Variants in PRKN observed in about 807,000 individuals in gnomAD.
PRKN encodes parkin RBR E3 ubiquitin protein ligase.
In PRKN, 56 loss-of-function variants were observed where a neutral mutation model predicts 59.5. The ratio of observed to expected loss-of-function variants is 0.94; its 90% CI spans 0.76 to 1.18. The LOEUF is 1.18. PRKN is among the 50% of genes most tolerant of loss of function. The pLI, the probability that PRKN is intolerant of heterozygous loss-of-function variation, is 0.00. For missense variants in PRKN, 657 were observed against 596.4 expected, an observed-to-expected ratio of 1.10 and a Z score of -1.06; for synonymous variants, 250 against 222.1, an observed-to-expected ratio of 1.13 and a Z score of -1.12.
In PRKN at chr6:162,281,185, A is replaced by C. The variant is rs573935058; in HGVS notation, c.172-18420T>G. Among the ~76,000 whole-genome samples, 7 of 151,686 alleles carry C rather than the reference A, an allele frequency of 4.6e-5. No homozygotes were observed. In the East Asian group the frequency reaches 1.2e-3, roughly 26 times the overall value. On this transcript the variant is annotated intron_variant, in intron 2 of 11. Transcript: ENST00000366898. ...ACAAGGACAGAAAACCAAACCCCGC[A>C]TGTTCTCACTCATAGGTGGGAATTG...
chr6:161,474,896 C>T (rs1242750856), intron 9 of PRKN, among the ~76,000 whole-genome samples: 2 of 150,994 alleles, frequency 1.3e-5, no homozygotes, highest in Non-Finnish European at 2.9e-5. Flanking sequence ...GCCACCACGC[C>T]CGGCCCACTA....
At chr6:161,999,604 C>A (rs189030220) in intron 5 of PRKN, among the ~76,000 whole-genome samples, 1 of 151,956 alleles carries the variant, frequency 6.6e-6, no homozygotes, top group South Asian at 2.1e-4. Flanking sequence ...GCACAATGCC[C>A]GAGCCAAGAA....
At chr6:161,960,154 GA>G (rs1258037931) in intron 6 of PRKN, among the ~76,000 whole-genome samples, 2 of 151,800 alleles carry the variant, frequency 1.3e-5, no homozygotes, top group Non-Finnish European at 2.9e-5. Flanking sequence ...CACCACACTG[GA>G]AAAAAAACAT....
At chr6:161,931,771 A>C (rs1329508123) in intron 6 of PRKN, among the ~76,000 whole-genome samples, 3 of 152,232 alleles carry the variant, frequency 2.0e-5, no homozygotes, top group Admixed American at 6.5e-5. Flanking sequence ...AAGACTACTT[A>C]TGGATTATTT....
chr6:161,547,709 G>T lies in PRKN; in HGVS notation c.1083+1145C>A, dbSNP rs901946065. On this transcript the variant is annotated intron_variant, in intron 9 of 11. Transcript: ENST00000366898. This position sits in a 1 kb window ranked among gnomAD's most constrained non-coding sequence, Gnocchi z 4.0. Reference sequence around the variant, plus strand: ...GCTGAGGCCACACACAATCATTGCAGATAATTCAGCACATGATAATGACTA... The same window carrying T: ...GCTGAGGCCACACACAATCATTGCATATAATTCAGCACATGATAATGACTA... Among the ~76,000 whole-genome samples the T allele has an allele frequency of 2.0e-5, 3 of 152,226 alleles. No individual in the cohort carries two copies. Among genetic ancestry groups the T allele is most frequent in the African/African-American group, 7.2e-5 (3 of 41,454 alleles).
intron 1 of PRKN, among the ~76,000 whole-genome samples, chr6:162,488,366 A>G (rs918228229): frequency 6.6e-6 from 1 of 152,146 alleles, no homozygotes; most frequent in Non-Finnish European, 1.5e-5. Context: ...AAATTATTGA[A>G]AAGCAAGTGC....
chr6:162,651,798 CATG>C (rs1402972379), intron 1 of PRKN, among the ~76,000 whole-genome samples: 1 of 152,018 alleles, frequency 6.6e-6, no homozygotes, highest in Non-Finnish European at 1.5e-5. Flanking sequence ...AAAATTATTT[CATG>C]ATAATGATAA....
At chr6:162,356,534 C>G (rs369831273) in intron 2 of PRKN, among the ~76,000 whole-genome samples, 2 of 137,500 alleles carry the variant, frequency 1.5e-5, no homozygotes, top group African/African-American at 2.9e-5. Flanking sequence ...ATATATAATA[C>G]ATTTTTTTTT....
At position 161,407,570 on chromosome 6, in the gene PRKN, G is replaced by A. The variant is rs565873536; in HGVS notation, c.1084-20693C>T. Among the ~76,000 whole-genome samples, 18 of 152,246 alleles carry A rather than the reference G, an allele frequency of 1.2e-4. No individual in the cohort carries two copies. The highest frequency in any genetic ancestry group is 3.6e-4 in the African/African-American group (15 of 41,534). On this transcript the variant is annotated intron_variant, in intron 9 of 11. Coordinates refer to ENST00000366898, the MANE Select transcript of PRKN (RefSeq NM_004562.3). This position sits in a 1 kb window ranked among gnomAD's most constrained non-coding sequence, Gnocchi z 4.9. ...TCAGAAATGTTAAAATACACAAAAAGGTACTTCTTAGAGTTGAGGATAAGT... is the reference window on the plus strand; with the variant it reads ...TCAGAAATGTTAAAATACACAAAAAAGTACTTCTTAGAGTTGAGGATAAGT...
intron 2 of PRKN, among the ~76,000 whole-genome samples, chr6:162,436,834 G>A (rs1450899752): frequency 1.3e-5 from 2 of 151,930 alleles, no homozygotes; most frequent in Admixed American, 1.3e-4. Flanking sequence ...GCTCATGCCT[G>A]TAATCTCAGC....
intron 4 of PRKN, among the ~76,000 whole-genome samples, chr6:162,147,962 G>A (rs374002831): frequency 8.5e-5 from 13 of 152,162 alleles, no homozygotes; most frequent in South Asian, 6.2e-4. Flanking sequence ...CAAAAATTAC[G>A]CAATATTTCT....
chr6:162,091,784 C>T (rs1171442642), intron 4 of PRKN, among the ~76,000 whole-genome samples: 1 of 152,160 alleles, frequency 6.6e-6, no homozygotes, highest in Non-Finnish European at 1.5e-5. Flanking sequence ...ATCCTGTAAT[C>T]CCAGCATGTT....
At position 161,456,416 on chromosome 6, in the gene PRKN, T is replaced by C. The variant is rs1354935639; in HGVS notation, c.1084-69539A>G. 6.6e-6 allele frequency among the ~76,000 whole-genome samples: 1 copy of C among 152,204 alleles called. No individual in the cohort carries two copies. Among genetic ancestry groups the C allele is most frequent in the African/African-American group, 2.4e-5 (1 of 41,450 alleles). On this transcript the variant is annotated intron_variant, in intron 9 of 11. Transcript: ENST00000366898. The surrounding 1 kb of genome is among the most constrained non-coding windows in gnomAD (Gnocchi z 4.8). ...TGGTTTGCCAGGGGCTCTCAGGCCTTTGGCCACAGACTGAAGGCTGCACTG... is the reference window on the plus strand; with the variant it reads ...TGGTTTGCCAGGGGCTCTCAGGCCTCTGGCCACAGACTGAAGGCTGCACTG...
At chr6:161,768,914 C>T (rs562430768) in intron 7 of PRKN, among the ~76,000 whole-genome samples, 2 of 152,078 alleles carry the variant, frequency 1.3e-5, no homozygotes, top group Non-Finnish European at 2.9e-5. Flanking sequence ...TCAGTAATGC[C>T]GCTATTTATA....
chr6:162,111,802 C>T (rs1189188317), intron 4 of PRKN, among the ~76,000 whole-genome samples: 3 of 152,158 alleles, frequency 2.0e-5, no homozygotes, highest in Non-Finnish European at 2.9e-5. Context: ...GTATGCCAAG[C>T]CTCTGAGCAG....
intron 4 of PRKN, among the ~76,000 whole-genome samples, chr6:162,143,064 T>C (rs1423879093): frequency 6.6e-6 from 1 of 152,234 alleles, no homozygotes; most frequent in Non-Finnish European, 1.5e-5. Context: ...TTTATTTATT[T>C]ATACATGTGA....
intron 6 of PRKN, among the ~76,000 whole-genome samples, chr6:161,852,086 C>A (rs372576226): frequency 3.4e-3 from 410 of 121,314 alleles, no homozygotes; most frequent in Non-Finnish European, 3.4e-3. Flanking sequence ...GACTCCGTCT[C>A]AAAAAAAAAA....
chr6:161,455,541 A>T (rs1407975036), intron 9 of PRKN, among the ~76,000 whole-genome samples: 1 of 152,120 alleles, frequency 6.6e-6, no homozygotes, highest in South Asian at 2.1e-4. Flanking sequence ...AGGAAATCAC[A>T]TCCGGTCCCT....
At chr6:162,282,320 G>C (rs991499705) in intron 2 of PRKN, among the ~76,000 whole-genome samples, 1 of 150,632 alleles carries the variant, frequency 6.6e-6, no homozygotes, top group African/African-American at 2.5e-5. Context: ...CATACAAGAA[G>C]AGTATATTAA....
Sources: allele counts gnomAD v4.1 joint callset (sites outside exome capture counted in the v4.1 genomes callset), GRCh38; gene constraint gnomAD v4.1.1; non-coding constraint Gnocchi (gnomAD v3.1); transcripts MANE v1.5; gene names NCBI Gene and HGNC (gene_info 2026-07-23, HGNC 2026-07-21).